The following CATSPERE variants were observed in gnomAD, a reference collection of about 807,000 sequenced individuals.
CATSPERE encodes catsper channel auxiliary subunit epsilon.
CATSPERE carries 93 observed loss-of-function variants against 114.1 expected under a neutral mutation model. The ratio of observed to expected loss-of-function variants is 0.81; its 90% CI spans 0.69 to 0.97. The LOEUF is 0.97. CATSPERE is among the 50% of genes least tolerant of loss of function. The pLI is 0.00. For synonymous variants in CATSPERE, 341 were observed against 384.1 expected, an observed-to-expected ratio of 0.89 and a Z score of 1.31; for missense variants, 1,058 against 1,131.6, an observed-to-expected ratio of 0.93 and a Z score of 0.93.
intron 20 of CATSPERE, among the ~76,000 whole-genome samples, chr1:244,622,080 C>G (rs1672467556): frequency 6.6e-6 from 1 of 152,158 alleles, no homozygotes; most frequent in African/African-American, 2.4e-5. Flanking sequence ...ACACCCAGGC[C>G]TCCTCTAATT....
intron 2 of CATSPERE, among the ~76,000 whole-genome samples, chr1:244,465,648 T>G (rs1004109504): frequency 6.6e-6 from 1 of 152,186 alleles, no homozygotes; most frequent in African/African-American, 2.4e-5. Context: ...TTCTAATGAG[T>G]CTTCGGATCT....
intron 10 of CATSPERE, among the ~76,000 whole-genome samples, chr1:244,563,339 C>T (rs1198379990): frequency 6.6e-6 from 1 of 152,228 alleles, no homozygotes; most frequent in African/African-American, 2.4e-5. Context: ...GCAGTTGCCA[C>T]AGTGTCTTCC....
intron 8 of CATSPERE, among the ~76,000 whole-genome samples, chr1:244,548,979 C>T (rs981863243): frequency 6.6e-6 from 1 of 152,240 alleles, no homozygotes; most frequent in South Asian, 2.1e-4. Context: ...ACTTTGGGCT[C>T]CTCATGGCTC....
chr1:244,615,438 T>C (rs1464207795), intron 19 of CATSPERE, among the ~76,000 whole-genome samples: 1 of 151,828 alleles, frequency 6.6e-6, no homozygotes, highest in East Asian at 1.9e-4. Context: ...TGTTAGGCAA[T>C]TTTGTCATTA....
chr1:244,540,864 T>C (rs61844678), intron 8 of CATSPERE, among the ~76,000 whole-genome samples: 43,419 of 57,808 alleles, frequency 0.75, 17,226 homozygotes, highest in East Asian at 1. Context: ...TATCTACAAC[T>C]ATCTGATCTT....
In CATSPERE at chr1:244,607,440, C is replaced by A. The variant is rs1267116563; in HGVS notation, c.2403+1646C>A. Among the ~76,000 whole-genome samples the A allele has an allele frequency of 6.6e-6, 1 of 152,202 alleles. No homozygotes were observed. On this transcript the variant is annotated intron_variant, in intron 18 of 21. Coordinates refer to ENST00000366534, the MANE Select transcript of CATSPERE (RefSeq NM_001130957.2). This position sits in a 1 kb window ranked among gnomAD's most constrained non-coding sequence, Gnocchi z 4.4. ...TTTCCTCCTGCCCTGAAAACAATCA[C>A]CATGGATTCCTGAATTCTGCCATCC...
intron 17 of CATSPERE, chr1:244,598,678 C>T (rs1329875102): frequency 8.0e-6 from 2 of 248,688 alleles, no homozygotes; most frequent in African/African-American, 4.5e-5. Flanking sequence ...CTTTTTTCAA[C>T]ATCACCCATA....
At position 244,513,015 on chromosome 1, in the gene CATSPERE, A is replaced by G. The variant is rs118162282; in HGVS notation, c.430-5577A>G. 1.4e-4 allele frequency among the ~76,000 whole-genome samples: 21 copies of G among 152,330 alleles called. No individual in the cohort carries two copies. In the East Asian group the frequency reaches 3.9e-3, roughly 28 times the overall value. Reference sequence around the variant, plus strand: ...GTTCGTGAACCCCCTGGCAGCCTACATGGGCACTAGTAGTAGCAGGTCTGG... The same window carrying G: ...GTTCGTGAACCCCCTGGCAGCCTACGTGGGCACTAGTAGTAGCAGGTCTGG... On this transcript the variant is annotated intron_variant, in intron 7 of 21. Coordinates refer to ENST00000366534, the MANE Select transcript of CATSPERE (RefSeq NM_001130957.2).
At chr1:244,452,081 C>A (rs1665653357), upstream of CATSPERE, 5 of 316,940 alleles carry the variant, frequency 1.6e-5, no homozygotes, top group Non-Finnish European at 2.3e-5. Flanking sequence ...CGGCAACGGC[C>A]GCCACCCCGG....
intron 6 of CATSPERE, among the ~76,000 whole-genome samples, chr1:244,494,270 C>G (rs1672723757): frequency 6.6e-6 from 1 of 151,564 alleles, no homozygotes; most frequent in Non-Finnish European, 1.5e-5. Flanking sequence ...TACTATGCAG[C>G]CATAAAAAAT....
chr1:244,603,434 C>A (rs1669539959), intron 17 of CATSPERE, among the ~76,000 whole-genome samples: 2 of 152,248 alleles, frequency 1.3e-5, no homozygotes, highest in South Asian at 4.1e-4. Flanking sequence ...TTCTGCATTT[C>A]TTAGGCTTAA....
chr1:244,582,129 A>C (rs1666282918), intron 12 of CATSPERE, among the ~76,000 whole-genome samples: 1 of 152,250 alleles, frequency 6.6e-6, no homozygotes, highest in African/African-American at 2.4e-5. Flanking sequence ...ATAATTTTCA[A>C]GCACATTTTA....
chr1:244,588,555 C>A (rs772836330), intron 14 of CATSPERE, 21 bp downstream of exon 14: 1 of 1,562,470 alleles, frequency 6.4e-7, no homozygotes, highest in South Asian at 1.1e-5. Context: ...TTCCATTTGA[C>A]CTGTGTTACT....
chr1:244,490,739 T>C (rs528611423), intron 6 of CATSPERE, among the ~76,000 whole-genome samples: 1 of 152,162 alleles, frequency 6.6e-6, no homozygotes, highest in African/African-American at 2.4e-5. Flanking sequence ...GCAGAGATGA[T>C]TATCCAGCTG....
intron 11 of CATSPERE, among the ~76,000 whole-genome samples, chr1:244,578,843 T>TATATATATATATATATATAC (rs756669283): frequency 7.2e-6 from 1 of 139,598 alleles, no homozygotes; most frequent in African/African-American, 2.8e-5. Flanking sequence ...TATATATATA[T>TATATATATATATATATATAC]ACACACACAC....
At chr1:244,526,392 A>G (rs1379202926) in intron 8 of CATSPERE, among the ~76,000 whole-genome samples, 2 of 151,804 alleles carry the variant, frequency 1.3e-5, no homozygotes, top group Non-Finnish European at 2.9e-5. Context: ...CTGGGTGACA[A>G]TGAGACCCTG....
chr1:244,452,987 G>A (rs1338452280), upstream of CATSPERE, among the ~76,000 whole-genome samples: 2 of 152,182 alleles, frequency 1.3e-5, no homozygotes, highest in Admixed American at 1.3e-4. Context: ...TGTACATACT[G>A]TATGTTCACT....
Position 244,479,745 on chromosome 1 carries a change from A to G in CATSPERE, c.287A>G (p.Glu96Gly), listed in dbSNP as rs1669963297. The change falls in exon 5 of 22, where the codon GAA becomes GGA. Residue 96 changes from glutamate (E) to glycine (G), a missense_variant. Glu to Gly is a moderately conservative substitution (Grantham distance 98). Around this residue, in one of 2 missense-constraint regions of CATSPERE, gnomAD observed 271 missense variants for 225.9 expected, o/e 1.20. Transcript: ENST00000366534. ...PDEEERYLFV[E>G]SSHTCFLWYY... ...GAAGAAGAACGCTATTTATTTGTGG[A>G]AAGTTCTCATACTTGCTTTCTGTGG... 6.2e-7 allele frequency: 1 copy of G among 1,600,626 alleles called. No homozygotes were observed. Among genetic ancestry groups the G allele is most frequent in the Non-Finnish European group, 8.5e-7 (1 of 1,171,316 alleles).
At chr1:244,491,600 G>T (rs183247263) in intron 6 of CATSPERE, among the ~76,000 whole-genome samples, 196 of 152,208 alleles carry the variant, frequency 1.3e-3, no homozygotes, top group Middle Eastern at 6.8e-3. Context: ...AAATCAGGCA[G>T]AACTGAGGGA....
Sources: allele counts gnomAD v4.1 joint callset (sites outside exome capture counted in the v4.1 genomes callset), GRCh38; gene constraint gnomAD v4.1.1; regional missense constraint gnomAD v4.1.1; non-coding constraint Gnocchi (gnomAD v3.1); transcripts MANE v1.5; gene names NCBI Gene and HGNC (gene_info 2026-07-23, HGNC 2026-07-21).